Variants in CDK5 observed in about 807,000 individuals in gnomAD.
CDK5 encodes cyclin-dependent kinase 5.
In CDK5, 18 loss-of-function variants were observed where a neutral mutation model predicts 44.6. The observed-to-expected ratio is 0.40, with a 90% CI of 0.28 to 0.60. The LOEUF (loss-of-function observed/expected upper bound fraction) is 0.60. CDK5 is among the 20% of genes least tolerant of loss of function. The pLI, the probability that CDK5 is intolerant of heterozygous loss-of-function variation, is 0.38. For missense variants in CDK5, 198 were observed against 368.1 expected, an observed-to-expected ratio of 0.54 and a Z score of 3.78; for synonymous variants, 143 against 152.8, an observed-to-expected ratio of 0.94 and a Z score of 0.47.
Position 151,057,404 on chromosome 7 carries a change from A to C in CDK5, c.38-244T>G. ...GGTTGCCAGGGCAAGGATGTCTAAA[A>C]TGAAGGCGGTGCTCCGGAAGGGTCT... On this transcript the variant is annotated intron_variant, in intron 1 of 11. Transcript: ENST00000485972. This position sits in a 1 kb window ranked among gnomAD's most constrained non-coding sequence, Gnocchi z 5.2. 3.4e-6 allele frequency: 2 copies of C among 594,744 alleles called. No individual in the cohort carries two copies. Among genetic ancestry groups the C allele is most frequent in the Non-Finnish European group, 3.0e-6 (1 of 333,448 alleles). 36.8% of individuals were successfully genotyped at this position (594,744 alleles called of 1,614,324 possible). A position where few individuals can be genotyped will look rare whatever the true frequency, so the allele number is the denominator to read the frequency against.
In CDK5 at chr7:151,056,680, C is replaced by T. The variant is rs1235592697; in HGVS notation, c.256-44G>A. On this transcript the variant is annotated intron_variant, in intron 4 of 11. Transcript: ENST00000485972. The surrounding 1 kb of genome is among the most constrained non-coding windows in gnomAD (Gnocchi z 4.7). ...GGGGGAATGGGACAGAGTTTAACCT[C>T]AATCTGGGCCCCTATACCTTCCCAA... The T allele has an allele frequency of 1.2e-6, 2 of 1,611,440 alleles. No homozygotes were observed. Among genetic ancestry groups the T allele is most frequent in the Admixed American group, 1.7e-5 (1 of 59,686 alleles).
chr7:151,055,015 A>G lies in CDK5; in HGVS notation c.650+12T>C. ...CTCCCAGAGGGCTCAAGGCAGAGGA[A>G]AGCAAGGATATCGGAAGATCCTCTT... is the stretch of plus-strand genomic sequence containing the variant. On this transcript the variant is annotated intron_variant, in intron 9 of 11. Transcript: ENST00000485972. 1 of 1,613,612 alleles carries G rather than the reference A, an allele frequency of 6.2e-7. No individual in the cohort carries two copies. The highest frequency in any genetic ancestry group is 8.5e-7 in the Non-Finnish European group (1 of 1,179,656).
chr7:151,057,506 C>T lies in CDK5; in HGVS notation c.37+306G>A, dbSNP rs1796924064. Reference sequence around the variant, plus strand: ...GAGGTTGGAGGTCTGCAGCAAGAAACGAGGCTGGGGGTCGGGGTGAGGTTG... The same window carrying T: ...GAGGTTGGAGGTCTGCAGCAAGAAATGAGGCTGGGGGTCGGGGTGAGGTTG... On this transcript the variant is annotated intron_variant, in intron 1 of 11. Transcript: ENST00000485972. This position sits in a 1 kb window ranked among gnomAD's most constrained non-coding sequence, Gnocchi z 5.2. 1 of 593,100 alleles carries T rather than the reference C, an allele frequency of 1.7e-6. No individual in the cohort carries two copies. The highest frequency in any genetic ancestry group is 3.0e-6 in the Non-Finnish European group (1 of 333,576). The allele number at this position is 593,100 out of a possible 1,614,324, so 36.7% of individuals were successfully genotyped here. A position where few individuals can be genotyped will look rare whatever the true frequency, so the allele number is the denominator to read the frequency against.
In CDK5 at chr7:151,056,755, A is replaced by C; in HGVS notation, c.236T>G (p.Val79Gly). Residue 79 changes from valine (V) to glycine (G), a missense_variant, in exon 4 of 12, where the codon GTT (valine) becomes GGT (glycine). Transcript: ENST00000485972. The surrounding 1 kb of genome is among the most constrained non-coding windows in gnomAD (Gnocchi z 4.7). ...VLHSDKKLTL[V>G]FEFCDQDLKK... is the part of the protein sequence containing the mutation. The stretch of plus-strand genomic sequence containing the variant: ...TTTCACCTGGTCACAGAATTCAAAA[A>C]CCAAAGTCAGCTTCTTGTCGCTGTG... 6.2e-7 allele frequency: 1 copy of C among 1,613,060 alleles called. No homozygotes were observed. The highest frequency in any genetic ancestry group is 8.5e-7 in the Non-Finnish European group (1 of 1,179,574).
At chr7:151,055,118 A>G (rs1452408771) in intron 8 of CDK5, 22 bp from the exon 9 acceptor site, 3 of 1,604,712 alleles carry the variant, frequency 1.9e-6, no homozygotes, top group African/African-American at 2.7e-5. Context: ...ACAGGGGGCT[A>G]AGATGTGACA....
rs1377626103 is a variant in CDK5, at chr7:151,056,653, G to A, written c.256-17C>T. On this transcript the variant is annotated splice_polypyrimidine_tract_variant and intron_variant, in intron 4 of 11. Coordinates refer to ENST00000485972, the MANE Select transcript of CDK5 (RefSeq NM_004935.4). The surrounding 1 kb of genome is among the most constrained non-coding windows in gnomAD (Gnocchi z 4.7). ...CTTCAGGTCCTGAAAAGGGATATGA[G>A]TGGGGGAATGGGACAGAGTTTAACC... 6.2e-7 allele frequency: 1 copy of A among 1,612,190 alleles called. No homozygotes were observed. The highest frequency in any genetic ancestry group is 1.7e-5 in the Admixed American group (1 of 59,788).
intron 7 of CDK5, 23 bp downstream of exon 7, chr7:151,055,509 C>T: frequency 6.2e-7 from 1 of 1,609,544 alleles, no homozygotes; most frequent in East Asian, 2.2e-5. Context: ...TCCCCCAATC[C>T]CATATCCCAT....
chr7:151,056,411 A>G lies in CDK5; in HGVS notation c.312+169T>C. On this transcript the variant is annotated intron_variant, in intron 5 of 11. Coordinates refer to ENST00000485972, the MANE Select transcript of CDK5 (RefSeq NM_004935.4). This position sits in a 1 kb window ranked among gnomAD's most constrained non-coding sequence, Gnocchi z 4.7. Reference sequence around the variant, plus strand: ...TGCGGGTCAAAGATGACCACGTGAAAATGCTCACTAAGACTGGAGACCCCT... The same window carrying G: ...TGCGGGTCAAAGATGACCACGTGAAGATGCTCACTAAGACTGGAGACCCCT... 3.2e-6 allele frequency: 2 copies of G among 626,224 alleles called. No individual in the cohort carries two copies. The highest frequency in any genetic ancestry group is 3.8e-5 in the South Asian group (2 of 52,780). The allele number at this position is 626,224 out of a possible 1,614,324, so 38.8% of individuals were successfully genotyped here.
At position 151,057,385 on chromosome 7, in the gene CDK5, C is replaced by G. The variant is rs1299775006; in HGVS notation, c.38-225G>C. 6 of 605,412 alleles carry G rather than the reference C, an allele frequency of 9.9e-6. No individual in the cohort carries two copies. The East Asian group carries it at 1.7e-4, about 17-fold the overall frequency. 37.5% of individuals were successfully genotyped at this position (605,412 alleles called of 1,614,324 possible). ...CGGCAGGAGGGGCGAGTGCGGTTGC[C>G]AGGGCAAGGATGTCTAAAATGAAGG... On this transcript the variant is annotated intron_variant, in intron 1 of 11. Transcript: ENST00000485972. This position sits in a 1 kb window ranked among gnomAD's most constrained non-coding sequence, Gnocchi z 5.2.
At chr7:151,055,728 T>A in intron 6 of CDK5, 25 bp downstream of exon 6, 2 of 1,581,284 alleles carry the variant, frequency 1.3e-6, no homozygotes, top group East Asian at 4.5e-5. Flanking sequence ...GCCTCTCCAT[T>A]CCCCACCTTC....
At position 151,056,339 on chromosome 7, in the gene CDK5, C is replaced by A; in HGVS notation, c.312+241G>T. On this transcript the variant is annotated intron_variant, in intron 5 of 11. Transcript: ENST00000485972. This position sits in a 1 kb window ranked among gnomAD's most constrained non-coding sequence, Gnocchi z 4.7. The stretch of plus-strand genomic sequence containing the variant: ...AGTGTATCTCCTTGAACCTCATTTT[C>A]TCATCTCTCGAGTGTAAATAATATC... 1.7e-6 allele frequency: 1 copy of A among 592,744 alleles called. No homozygotes were observed. The highest frequency in any genetic ancestry group is 2.1e-5 in the South Asian group (1 of 48,286). The allele number at this position is 592,744 out of a possible 1,614,324, so 36.7% of individuals were successfully genotyped here. A position where few individuals can be genotyped will look rare whatever the true frequency, so the allele number is the denominator to read the frequency against.
rs527916400 is a variant in CDK5, at chr7:151,057,874, G to C, written c.-26C>G. 3.1e-5 allele frequency: 49 copies of C among 1,601,148 alleles called. No individual in the cohort carries two copies. The East Asian group carries it at 1.1e-3, about 36-fold the overall frequency. On this transcript the variant is annotated 5_prime_UTR_variant, in exon 1 of 12. Coordinates refer to ENST00000485972, the MANE Select transcript of CDK5 (RefSeq NM_004935.4). This position sits in a 1 kb window ranked among gnomAD's most constrained non-coding sequence, Gnocchi z 5.2. ...CGCGGCGGCCGCGGGGACCCCTGCG[G>C]GCCCTCGGTTTTAAGACTCTGGCCC...
chr7:151,055,965 C>T, intron 5 of CDK5, 117 bp from the exon 6 acceptor site: 2 of 702,872 alleles, frequency 2.8e-6, no homozygotes, highest in Admixed American at 2.1e-5. Context: ...CTTTCAGCAC[C>T]TGGTTCAGAG....
Position 151,056,459 on chromosome 7 carries a change from T to C in CDK5, c.312+121A>G. Reference sequence around the variant, plus strand: ...CCTGGAGGACAGAAACAGGGTTTTCTCATTCTCTAACACCCTAGAGTGTCC... The same window carrying C: ...CCTGGAGGACAGAAACAGGGTTTTCCCATTCTCTAACACCCTAGAGTGTCC... On this transcript the variant is annotated intron_variant, in intron 5 of 11. Coordinates refer to ENST00000485972, the MANE Select transcript of CDK5 (RefSeq NM_004935.4). This position sits in a 1 kb window ranked among gnomAD's most constrained non-coding sequence, Gnocchi z 4.7. 4.7e-6 allele frequency: 4 copies of C among 843,198 alleles called. No homozygotes were observed. The highest frequency in any genetic ancestry group is 3.0e-5 in the South Asian group (2 of 67,520). 52.2% of individuals were successfully genotyped at this position (843,198 alleles called of 1,614,324 possible).
intron 6 of CDK5, 46 bp downstream of exon 6, chr7:151,055,707 C>A (rs892136456): frequency 6.5e-7 from 1 of 1,549,584 alleles, no homozygotes. Flanking sequence ...GCTCCCCGTG[C>A]CCTGGCCCCA....
In CDK5 at chr7:151,055,290, G is replaced by A. The variant is rs775406194; in HGVS notation, c.567C>T (p.Gly189=). 6.2e-7 allele frequency: 1 copy of A among 1,613,554 alleles called. No individual in the cohort carries two copies. Residue 189 remains glycine, a synonymous_variant, in exon 8 of 12, where the codon GGC becomes GGT. Transcript: ENST00000485972. The part of the protein sequence containing the change: ...YSTSIDMWSA[G]CIFAELANAG... ...CCAGCACATCACCTGCAAAGATGCA[G>A]CCGGCTGACCACATGTCGATGGACG...
Position 151,056,129 on chromosome 7 carries a change from C to A in CDK5, c.313-281G>T, listed in dbSNP as rs904967996. The A allele has an allele frequency of 1.9e-5, 10 of 539,584 alleles. No homozygotes were observed. The highest frequency in any genetic ancestry group is 3.0e-5 in the Non-Finnish European group (9 of 302,136). 33.4% of individuals were successfully genotyped at this position (539,584 alleles called of 1,614,324 possible). Reference sequence around the variant, plus strand: ...ATCCTAGATCCGGCCTAGATCCCAGCCCATGCTGATCTTCCCTTCCTGGCC... The same window carrying A: ...ATCCTAGATCCGGCCTAGATCCCAGACCATGCTGATCTTCCCTTCCTGGCC... On this transcript the variant is annotated intron_variant, in intron 5 of 11. Coordinates refer to ENST00000485972, the MANE Select transcript of CDK5 (RefSeq NM_004935.4). This position sits in a 1 kb window ranked among gnomAD's most constrained non-coding sequence, Gnocchi z 4.7.
At position 151,053,873 on chromosome 7, in the gene CDK5, C is replaced by G. The variant is rs1309050766; in HGVS notation, c.*136G>C. 3.0e-6 allele frequency: 2 copies of G among 666,206 alleles called. No homozygotes were observed. Among genetic ancestry groups the G allele is most frequent in the Non-Finnish European group, 5.1e-6 (2 of 391,116 alleles). 41.3% of individuals were successfully genotyped at this position (666,206 alleles called of 1,614,324 possible). The stretch of plus-strand genomic sequence containing the variant: ...AAGTCCACAAAGGGAGTGAGAAATT[C>G]GGGCTCAGGCACCCCACCCCGGCTG... On this transcript the variant is annotated 3_prime_UTR_variant, in exon 12 of 12. Transcript: ENST00000485972.
In CDK5 at chr7:151,056,263, A is replaced by G; in HGVS notation, c.312+317T>C. 1 of 541,932 alleles carries G rather than the reference A, an allele frequency of 1.8e-6. No homozygotes were observed. Among genetic ancestry groups the G allele is most frequent in the Non-Finnish European group, 3.3e-6 (1 of 303,834 alleles). The allele number at this position is 541,932 out of a possible 1,614,324, so 33.6% of individuals were successfully genotyped here. On this transcript the variant is annotated intron_variant, in intron 5 of 11. Transcript: ENST00000485972. This position sits in a 1 kb window ranked among gnomAD's most constrained non-coding sequence, Gnocchi z 4.7. ...CAAGGCATTTGGTCTTGGGCCTAGAAAAGCACCTGGCACACAGTGAAGCAT... is the reference window on the plus strand; with the variant it reads ...CAAGGCATTTGGTCTTGGGCCTAGAGAAGCACCTGGCACACAGTGAAGCAT...
Sources: gnomAD v4.1 joint callset for allele counts on GRCh38, gnomAD v4.1.1 for gene constraint, Gnocchi (gnomAD v3.1) non-coding constraint, MANE v1.5 for transcripts, NCBI Gene and HGNC (gene_info 2026-07-23, HGNC 2026-07-21) for gene names.